The following PTPRD variants were observed in gnomAD, a reference collection of about 807,000 sequenced individuals.
The protein encoded by PTPRD is protein tyrosine phosphatase receptor type D.
PTPRD carries 34 observed loss-of-function variants against 214.5 expected under a neutral mutation model. The ratio of observed to expected loss-of-function variants is 0.16; its 90% CI spans 0.12 to 0.21. The LOEUF (loss-of-function observed/expected upper bound fraction) is 0.21, where lower values mean the gene tolerates loss of function less well. PTPRD is among the 10% of genes least tolerant of loss of function. The probability of loss-of-function intolerance (pLI) is 1.00; values close to 1 mark genes in which losing one functional copy is unlikely to be tolerated. For synonymous variants in PTPRD, 1,128 were observed against 845.7 expected (o/e 1.33, Z -5.79); for missense variants, 2,545 against 2,398.7 (o/e 1.06, Z -1.27).
Position 9,412,972 on chromosome 9 carries a change from C to T in PTPRD, c.-236-15490G>A, listed in dbSNP as rs115047936. Among the ~76,000 whole-genome samples, 819 of 152,196 alleles carry T rather than the reference C, an allele frequency of 5.4e-3. 6 individuals are homozygous for T. Among genetic ancestry groups the T allele is most frequent in the African/African-American group, 0.019 (783 of 41,518 alleles). The stretch of plus-strand genomic sequence containing the variant: ...ATATAGTTTTGGCAGTGGAACTTAG[C>T]AGTCCACCTCATATTATACCACAAT... On this transcript the variant is annotated intron_variant, in intron 8 of 45. Transcript: ENST00000381196.
intron 8 of PTPRD, among the ~76,000 whole-genome samples, chr9:9,472,369 A>G (rs2094675720): frequency 6.6e-6 from 1 of 150,782 alleles, no homozygotes; most frequent in South Asian, 2.1e-4. Context: ...GCGCCCGGCT[A>G]ATTTTTTGTA....
intron 14 of PTPRD, among the ~76,000 whole-genome samples, chr9:8,582,878 G>A (rs564200586): frequency 1.3e-5 from 2 of 152,118 alleles, no homozygotes; most frequent in Admixed American, 6.6e-5. Flanking sequence ...TTCAGCAATT[G>A]GATGTTAAGG....
chr9:8,505,770 C>T (rs1388207252), intron 22 of PTPRD, among the ~76,000 whole-genome samples: 1 of 151,936 alleles, frequency 6.6e-6, no homozygotes, highest in Non-Finnish European at 1.5e-5. Flanking sequence ...AAGAAATTCC[C>T]TAAATAAGCA....
chr9:9,503,230 A>G (rs977631068), intron 8 of PTPRD, among the ~76,000 whole-genome samples: 1 of 151,622 alleles, frequency 6.6e-6, no homozygotes, highest in Admixed American at 6.6e-5. Context: ...CAGTAATGTT[A>G]CCATTGGATT....
chr9:9,218,499 T>A lies in PTPRD; in HGVS notation c.-202-35136A>T, dbSNP rs544112881. Among the ~76,000 whole-genome samples, 26 of 152,252 alleles carry A rather than the reference T, an allele frequency of 1.7e-4. No individual in the cohort carries two copies. In the South Asian group the frequency reaches 5.0e-3, roughly 29 times the overall value. On this transcript the variant is annotated intron_variant, in intron 9 of 45. Coordinates refer to ENST00000381196, the MANE Select transcript of PTPRD (RefSeq NM_002839.4). ...AAAATAAAATGAAATGCCTTTCCAATATAAATAGGTCTGACAATTTTAGGT... is the reference window on the plus strand; with the variant it reads ...AAAATAAAATGAAATGCCTTTCCAAAATAAATAGGTCTGACAATTTTAGGT...
At chr9:10,467,171 G>C (rs957415203) in intron 2 of PTPRD, among the ~76,000 whole-genome samples, 2 of 152,176 alleles carry the variant, frequency 1.3e-5, no homozygotes, top group Non-Finnish European at 2.9e-5. Flanking sequence ...ACAGTGAGAA[G>C]AGTATACAAT....
At chr9:9,294,735 A>G (rs186448456) in intron 9 of PTPRD, among the ~76,000 whole-genome samples, 54 of 151,782 alleles carry the variant, frequency 3.6e-4, no homozygotes, top group African/African-American at 1.1e-3. Context: ...AGCCTTCAGA[A>G]ATATGACAAA....
intron 14 of PTPRD, among the ~76,000 whole-genome samples, chr9:8,578,384 T>C (rs565862104): frequency 2.0e-5 from 3 of 147,282 alleles, no homozygotes; most frequent in African/African-American, 7.7e-5. Flanking sequence ...AGTCTATTTA[T>C]TAAACAGAGT....
At chr9:9,363,629 T>C (rs918713555) in intron 9 of PTPRD, among the ~76,000 whole-genome samples, 2 of 151,272 alleles carry the variant, frequency 1.3e-5, no homozygotes, top group Admixed American at 1.3e-4. Context: ...AGGGTTTTTC[T>C]AGCTAAGTGG....
At chr9:8,390,689 C>G (rs890780459) in intron 36 of PTPRD, among the ~76,000 whole-genome samples, 2 of 152,048 alleles carry the variant, frequency 1.3e-5, no homozygotes, top group Non-Finnish European at 2.9e-5. Flanking sequence ...GATTTAAAGC[C>G]TAGTTTTCCA....
chr9:8,394,183 A>T (rs2135915112), intron 36 of PTPRD, among the ~76,000 whole-genome samples: 1 of 152,126 alleles, frequency 6.6e-6, no homozygotes, highest in Admixed American at 6.6e-5. Context: ...CCAAGAAGAA[A>T]AAAAAAAGCA....
chr9:9,532,972 T>C (rs998278249), intron 8 of PTPRD, among the ~76,000 whole-genome samples: 2 of 152,138 alleles, frequency 1.3e-5, no homozygotes, highest in African/African-American at 4.8e-5. Context: ...AGCCATCAAA[T>C]AATAGTGAAG....
At chr9:10,586,768 T>A (rs1376205001) in intron 2 of PTPRD, among the ~76,000 whole-genome samples, 1 of 140,356 alleles carries the variant, frequency 7.1e-6, no homozygotes, top group Non-Finnish European at 1.5e-5. Flanking sequence ...TGCACATACA[T>A]GCTCACTTAT....
At chr9:10,409,483 G>T (rs1263270835) in intron 2 of PTPRD, among the ~76,000 whole-genome samples, 3 of 151,576 alleles carry the variant, frequency 2.0e-5, no homozygotes, top group South Asian at 2.1e-4. Context: ...CATGACTAAA[G>T]AATTGAGTTT....
intron 2 of PTPRD, among the ~76,000 whole-genome samples, chr9:10,498,194 C>T (rs892448888): frequency 1.3e-5 from 2 of 151,864 alleles, no homozygotes; most frequent in African/African-American, 4.8e-5. Context: ...ACCTAACATG[C>T]CACCACGGAT....
intron 9 of PTPRD, among the ~76,000 whole-genome samples, chr9:9,219,327 G>A (rs1029658121): frequency 1.3e-5 from 2 of 151,834 alleles, no homozygotes; most frequent in African/African-American, 2.4e-5. Flanking sequence ...TAAAAAATAG[G>A]ATTATATTTC....
chr9:9,779,347 G>A (rs72710118), intron 5 of PTPRD, among the ~76,000 whole-genome samples: 1 of 151,922 alleles, frequency 6.6e-6, no homozygotes, highest in Non-Finnish European at 1.5e-5. Flanking sequence ...AACAAAAACT[G>A]ATAAGTGGCA....
chr9:8,812,048 C>T (rs925182519), intron 11 of PTPRD, among the ~76,000 whole-genome samples: 2 of 152,132 alleles, frequency 1.3e-5, no homozygotes, highest in African/African-American at 4.8e-5. Flanking sequence ...TGAGTGGATA[C>T]TTGAACATAA....
At chr9:10,121,119 A>C (rs1015378424) in intron 3 of PTPRD, among the ~76,000 whole-genome samples, 13 of 152,138 alleles carry the variant, frequency 8.5e-5, no homozygotes, top group African/African-American at 3.1e-4. Flanking sequence ...TATTCTTTAA[A>C]CTTGATTATT....
Sources: gnomAD v4.1 joint callset for allele counts (sites outside exome capture counted in the v4.1 genomes callset) on GRCh38, gnomAD v4.1.1 for gene constraint, MANE v1.5 for transcripts, NCBI Gene and HGNC (gene_info 2026-07-23, HGNC 2026-07-21) for gene names.